The following CDH18 variants were observed in gnomAD, a reference collection of about 807,000 sequenced individuals.
The protein encoded by CDH18 is cadherin-18.
A neutral mutation model predicts 67.9 loss-of-function variants in CDH18; 31 were observed. The ratio of observed to expected loss-of-function variants is 0.46; its 90% CI spans 0.34 to 0.62. The LOEUF is 0.62. Ranked by LOEUF, CDH18 falls within the 20% of genes least tolerant of loss-of-function variation. The pLI, the probability that CDH18 is intolerant of heterozygous loss-of-function variation, is 0.01. For synonymous variants in CDH18, 362 were observed against 347.2 expected, an observed-to-expected ratio of 1.04 and a Z score of -0.48; for missense variants, 890 against 975.5, an observed-to-expected ratio of 0.91 and a Z score of 1.17.
At chr5:19,502,544 T>C (rs1338129478) in intron 11 of CDH18, 1 of 258,246 alleles carries the variant, frequency 3.9e-6, no homozygotes, top group African/African-American at 2.2e-5. Flanking sequence ...ACAATGCTTA[T>C]AATAACAAGA....
At chr5:19,941,369 C>T (rs1794799250) in intron 2 of CDH18, among the ~76,000 whole-genome samples, 1 of 152,076 alleles carries the variant, frequency 6.6e-6, no homozygotes, top group Admixed American at 6.6e-5. Context: ...AATAAGATAA[C>T]TAATTTGTTA....
At chr5:19,744,870 A>C (rs989890953) in intron 4 of CDH18, among the ~76,000 whole-genome samples, 15 of 152,024 alleles carry the variant, frequency 9.9e-5, no homozygotes, top group African/African-American at 3.6e-4. Context: ...TTCTCTTTTT[A>C]TTAGGCTTTA....
intron 9 of CDH18, among the ~76,000 whole-genome samples, chr5:19,537,743 AC>A (rs60263608): frequency 0.099 from 15,061 of 152,160 alleles, 1,019 homozygotes; most frequent in Non-Finnish European, 0.13. Context: ...TTATCTACTT[AC>A]CTTGTCTTAT....
At chr5:19,975,644 T>C (rs1367951578) in intron 2 of CDH18, among the ~76,000 whole-genome samples, 1 of 152,204 alleles carries the variant, frequency 6.6e-6, no homozygotes, top group Non-Finnish European at 1.5e-5. Context: ...AAATTAGAGA[T>C]ATAAACACAT....
chr5:19,746,887 C>T (rs1770072592), intron 4 of CDH18, 55 bp downstream of exon 4: 2 of 1,463,756 alleles, frequency 1.4e-6, no homozygotes, highest in East Asian at 2.3e-5. Context: ...CTAAAGATGA[C>T]TTTTTGATTT....
intron 2 of CDH18, among the ~76,000 whole-genome samples, chr5:19,856,886 A>AT (rs967282354): frequency 2.6e-5 from 4 of 151,490 alleles, no homozygotes; most frequent in East Asian, 3.9e-4. Flanking sequence ...CACTGACTCG[A>AT]TTTTTTTTTC....
chr5:20,417,356 C>A (rs1016835202), intron 1 of CDH18, among the ~76,000 whole-genome samples: 2 of 152,010 alleles, frequency 1.3e-5, no homozygotes, highest in Non-Finnish European at 2.9e-5. Context: ...TTCCTTTTTG[C>A]TTATTACTAA....
At chr5:20,349,077 A>G (rs1483367990) in intron 1 of CDH18, among the ~76,000 whole-genome samples, 1 of 152,174 alleles carries the variant, frequency 6.6e-6, no homozygotes, top group African/African-American at 2.4e-5. Flanking sequence ...CAAATCAAGA[A>G]TAGTTAAAAA....
chr5:19,673,022 C>A (rs921962457), intron 5 of CDH18, among the ~76,000 whole-genome samples: 1 of 151,990 alleles, frequency 6.6e-6, no homozygotes, highest in Non-Finnish European at 1.5e-5. Context: ...TGCTCACCTG[C>A]ATTCAATCAA....
intron 2 of CDH18, among the ~76,000 whole-genome samples, chr5:19,946,894 G>T (rs1258205138): frequency 6.6e-6 from 1 of 152,096 alleles, no homozygotes; most frequent in Non-Finnish European, 1.5e-5. Flanking sequence ...CATCGGTCAA[G>T]TGGGGTTTAT....
chr5:19,690,320 G>GT (rs1455690756), intron 5 of CDH18, among the ~76,000 whole-genome samples: 2 of 151,416 alleles, frequency 1.3e-5, no homozygotes, highest in Non-Finnish European at 3.0e-5. Context: ...TGAGAGGAAA[G>GT]TTTATATCAA....
At chr5:20,266,877 TA>T (rs945046245) in intron 1 of CDH18, among the ~76,000 whole-genome samples, 7 of 152,054 alleles carry the variant, frequency 4.6e-5, no homozygotes, top group Non-Finnish European at 7.4e-5. Flanking sequence ...ACTTCATGAC[TA>T]AAAAAATTGC....
intron 1 of CDH18, among the ~76,000 whole-genome samples, chr5:20,470,637 T>C (rs371540645): frequency 6.6e-6 from 1 of 152,160 alleles, no homozygotes; most frequent in Admixed American, 6.5e-5. Context: ...AAAGGTGAAC[T>C]CCTTCCCCTG....
At chr5:20,006,539 ATAAG>A (rs1736917888) in intron 2 of CDH18, among the ~76,000 whole-genome samples, 2 of 151,940 alleles carry the variant, frequency 1.3e-5, no homozygotes, top group Non-Finnish European at 2.9e-5. Flanking sequence ...TTAGAAACAA[ATAAG>A]TGTTAGTGCT....
At chr5:19,669,202 T>C (rs958524206) in intron 5 of CDH18, among the ~76,000 whole-genome samples, 10 of 146,724 alleles carry the variant, frequency 6.8e-5, no homozygotes, top group Non-Finnish European at 1.2e-4. Flanking sequence ...TAATATATGA[T>C]GTAATATAAT....
chr5:20,546,954 T>C (rs555705907), intron 1 of CDH18, among the ~76,000 whole-genome samples: 2 of 152,292 alleles, frequency 1.3e-5, no homozygotes, highest in African/African-American at 4.8e-5. Flanking sequence ...GATGGCTAGG[T>C]GTTATGACAT....
Position 20,553,383 on chromosome 5 carries a change from C to A in CDH18, c.-580+22079G>T, listed in dbSNP as rs141876766. 3.7e-3 allele frequency among the ~76,000 whole-genome samples: 561 copies of A among 152,232 alleles called. 8 individuals carry two copies. The highest frequency in any genetic ancestry group is 0.013 in the African/African-American group (537 of 41,538). ...TAGCATTGTTACCAAATAGCATTAGCACTCTTCTGTCCTTATAACTAAAAC... is the reference window on the plus strand; with the variant it reads ...TAGCATTGTTACCAAATAGCATTAGAACTCTTCTGTCCTTATAACTAAAAC... On this transcript the variant is annotated intron_variant, in intron 1 of 14. Coordinates refer to the CDH18 transcript ENST00000507958.
chr5:20,188,443 AT>A, intron 2 of CDH18, among the ~76,000 whole-genome samples: 1 of 151,982 alleles, frequency 6.6e-6, no homozygotes, highest in Non-Finnish European at 1.5e-5. Flanking sequence ...ATGGTTGACC[AT>A]TTTCATCATC....
At chr5:19,519,213 C>T (rs114762526) in intron 10 of CDH18, among the ~76,000 whole-genome samples, 233 of 152,190 alleles carry the variant, frequency 1.5e-3, no homozygotes, top group African/African-American at 5.5e-3. Context: ...ATTTTAACAA[C>T]AGTGAACATG....
Sources: gnomAD v4.1 joint callset for allele counts (sites outside exome capture counted in the v4.1 genomes callset) on GRCh38, gnomAD v4.1.1 for gene constraint, MANE v1.5 for transcripts, NCBI Gene and HGNC (gene_info 2026-07-23, HGNC 2026-07-21) for gene names.